The following PKP4 variants were observed in gnomAD, a reference collection of about 807,000 sequenced individuals.
PKP4 encodes the protein plakophilin-4.
Under a neutral mutation model 145.1 loss-of-function variants are expected in PKP4, and 90 were observed. That is an observed-to-expected ratio of 0.62 (90% confidence interval 0.52 to 0.74). PKP4 has a LOEUF of 0.74. PKP4 is among the 30% of genes least tolerant of loss of function. PKP4 has a pLI of 0.00. For missense variants in PKP4, 1,340 were observed against 1,482.7 expected (o/e 0.90, Z 1.58); for synonymous variants, 563 against 577.2 (o/e 0.98, Z 0.35).
chr2:158,680,385 T>A, intron 21 of PKP4, 44 bp from the exon 22 acceptor site: 1 of 1,489,510 alleles, frequency 6.7e-7, no homozygotes, highest in Non-Finnish European at 9.1e-7. Context: ...CATGTATTTT[T>A]AAAAAATTGC....
intron 1 of PKP4, among the ~76,000 whole-genome samples, chr2:158,481,558 G>C (rs1417206471): frequency 6.6e-6 from 1 of 152,110 alleles, no homozygotes; most frequent in Non-Finnish European, 1.5e-5. Context: ...GCATGTTATT[G>C]TCTGTCTTCA....
At position 158,634,269 on chromosome 2, in the gene PKP4, C is replaced by T. The variant is rs1196592510; in HGVS notation, c.1542C>T (p.Asp514=). 1.2e-6 allele frequency: 2 copies of T among 1,614,040 alleles called. No individual in the cohort carries two copies. Among genetic ancestry groups the T allele is most frequent in the African/African-American group, 1.3e-5 (1 of 75,050 alleles). ...DDGTTRSPSI[D]SIQKDPREFA... The stretch of plus-strand genomic sequence containing the variant: ...GCACCACAAGATCCCCATCAATAGA[C>T]AGCATTCAGAAGGACCCCAGGCGAG... The change falls in exon 9 of 22, where the codon GAC becomes GAT. Residue 514 remains aspartate (D), a synonymous_variant. Coordinates refer to ENST00000389759, the MANE Select transcript of PKP4 (RefSeq NM_003628.6).
chr2:158,525,958 C>A (rs1343460067), intron 1 of PKP4, among the ~76,000 whole-genome samples: 2 of 151,148 alleles, frequency 1.3e-5, no homozygotes, highest in African/African-American at 4.9e-5. Flanking sequence ...TCTGAATAGA[C>A]CAATAACAGG....
intron 7 of PKP4, among the ~76,000 whole-genome samples, chr2:158,630,164 A>T (rs1439183155): frequency 6.6e-6 from 1 of 152,176 alleles, no homozygotes; most frequent in Non-Finnish European, 1.5e-5. Flanking sequence ...TGATATTTTT[A>T]CAAGTGACAG....
intron 2 of PKP4, among the ~76,000 whole-genome samples, chr2:158,539,141 G>A (rs550770199): frequency 3.9e-5 from 6 of 152,196 alleles, no homozygotes; most frequent in Admixed American, 1.3e-4. Context: ...TCTTCAGTAT[G>A]TCCTTATTAA....
intron 3 of PKP4, among the ~76,000 whole-genome samples, chr2:158,600,969 A>G (rs1446007098): frequency 1.3e-5 from 2 of 152,168 alleles, no homozygotes; most frequent in Non-Finnish European, 2.9e-5. Context: ...TTACACAACG[A>G]GGTTGCTGGA....
At chr2:158,630,848 C>T (rs750952591) in intron 7 of PKP4, among the ~76,000 whole-genome samples, 1 of 152,224 alleles carries the variant, frequency 6.6e-6, no homozygotes, top group Non-Finnish European at 1.5e-5. Flanking sequence ...GAGGATGAAT[C>T]TCAGTGTATC....
intron 3 of PKP4, among the ~76,000 whole-genome samples, chr2:158,598,313 G>A (rs1302920638): frequency 1.3e-5 from 2 of 152,114 alleles, no homozygotes; most frequent in Admixed American, 6.5e-5. Flanking sequence ...AGAAGGTGAG[G>A]GAAATGGCAT....
intron 1 of PKP4, among the ~76,000 whole-genome samples, chr2:158,490,138 C>G (rs1356946479): frequency 6.6e-6 from 1 of 151,994 alleles, no homozygotes; most frequent in Non-Finnish European, 1.5e-5. Flanking sequence ...TCATTAACAC[C>G]AGATGGCATC....
intron 2 of PKP4, among the ~76,000 whole-genome samples, chr2:158,565,836 C>A (rs545635966): frequency 6.6e-6 from 1 of 151,984 alleles, no homozygotes; most frequent in Admixed American, 6.6e-5. Flanking sequence ...ACCTTCTTTC[C>A]GAAGAAGCCC....
intron 2 of PKP4, among the ~76,000 whole-genome samples, chr2:158,547,475 A>G (rs2105687044): frequency 6.6e-6 from 1 of 152,322 alleles, no homozygotes; most frequent in East Asian, 1.9e-4. Context: ...CTGTAACAAC[A>G]GAAAGCAAGT....
intron 1 of PKP4, among the ~76,000 whole-genome samples, chr2:158,515,466 G>T (rs537912276): frequency 2.0e-5 from 3 of 151,984 alleles, no homozygotes; most frequent in African/African-American, 7.2e-5. Flanking sequence ...TGAAAAAAAA[G>T]GAAAAGAAAA....
Position 158,554,429 on chromosome 2 carries a change from A to T in PKP4, c.132+21113A>T, listed in dbSNP as rs867035636. ...TCACTCAGAAATAATTATTATTATT[A>T]TTTTTTTTTTTTTTGAGACGGAGTC... On this transcript the variant is annotated intron_variant, in intron 2 of 21. Transcript: ENST00000389759. 5.5e-3 allele frequency among the ~76,000 whole-genome samples: 774 copies of T among 141,184 alleles called. 5 individuals are homozygous for T. Among genetic ancestry groups the T allele is most frequent in the African/African-American group, 0.019 (730 of 38,404 alleles). The allele number at this position is 141,184 out of a possible 152,430, so 92.6% of individuals were successfully genotyped here.
intron 3 of PKP4, among the ~76,000 whole-genome samples, chr2:158,601,060 C>G (rs1283452598): frequency 2.0e-5 from 3 of 152,084 alleles, no homozygotes; most frequent in Admixed American, 6.5e-5. Context: ...TCTGACCTTT[C>G]AAAACATTAA....
chr2:158,487,131 C>T (rs1454789395), intron 1 of PKP4, among the ~76,000 whole-genome samples: 8 of 152,120 alleles, frequency 5.3e-5, no homozygotes, highest in South Asian at 2.1e-4. Context: ...GAGTTTGTCA[C>T]GCTATGATTC....
At chr2:158,491,261 G>C (rs1423798213) in intron 1 of PKP4, among the ~76,000 whole-genome samples, 3 of 152,088 alleles carry the variant, frequency 2.0e-5, no homozygotes, top group Non-Finnish European at 4.4e-5. Flanking sequence ...GTTTCTGTGG[G>C]AAATATGCCT....
intron 1 of PKP4, among the ~76,000 whole-genome samples, chr2:158,510,254 G>A (rs932245747): frequency 3.3e-5 from 5 of 152,176 alleles, no homozygotes; most frequent in African/African-American, 1.2e-4. Context: ...TTCTGTAAAT[G>A]TAGCAGTATA....
intron 2 of PKP4, among the ~76,000 whole-genome samples, chr2:158,534,366 C>G (rs1320155648): frequency 6.6e-6 from 1 of 152,120 alleles, no homozygotes; most frequent in Non-Finnish European, 1.5e-5. Context: ...ATTCTAGTAA[C>G]AAGATGTCAA....
intron 2 of PKP4, among the ~76,000 whole-genome samples, chr2:158,571,375 T>C (rs548240584): frequency 5.3e-5 from 8 of 152,258 alleles, no homozygotes; most frequent in South Asian, 2.1e-4. Context: ...CTGCTGACAA[T>C]GAGGACAATT....
Sources: gnomAD v4.1 joint callset for allele counts (sites outside exome capture counted in the v4.1 genomes callset) on GRCh38, gnomAD v4.1.1 for gene constraint, MANE v1.5 for transcripts, NCBI Gene and HGNC (gene_info 2026-07-23, HGNC 2026-07-21) for gene names.